LMO7: variants seen among roughly 807,000 people sequenced by gnomAD.
The protein encoded by LMO7 is LIM domain only protein 7.
Under a neutral mutation model 206.5 loss-of-function variants are expected in LMO7, and 120 were observed. The ratio of observed to expected loss-of-function variants is 0.58; its 90% CI spans 0.50 to 0.68. The LOEUF (loss-of-function observed/expected upper bound fraction) is 0.68, where lower values mean the gene tolerates loss of function less well. Among genes scored for constraint, LMO7 ranks in the 30% least tolerant of loss-of-function variants. The pLI, the probability that LMO7 is intolerant of heterozygous loss-of-function variation, is 0.00. For synonymous variants in LMO7, 706 were observed against 681.5 expected (o/e 1.04, Z -0.56); for missense variants, 1,959 against 1,957.9 (o/e 1.00, Z -0.01).
At chr13:75,815,006 G>T (rs1361766278) in intron 11 of LMO7, among the ~76,000 whole-genome samples, 1 of 152,116 alleles carries the variant, frequency 6.6e-6, no homozygotes, top group Non-Finnish European at 1.5e-5. Flanking sequence ...GATTTTGGAA[G>T]AACCTGTCTT....
rs746105002 is a variant in LMO7 at position 75,855,387 on chromosome 13, G to C, written c.4770+19G>C. ...TTTTAAGGTGAGACTGAGACAAACA[G>C]CTTGCAGGCCTGCAAAGCTTTGCTT... is the stretch of plus-strand genomic sequence containing the variant. On this transcript the variant is annotated intron_variant, in intron 29 of 30. Coordinates refer to ENST00000377534, the MANE Select transcript of LMO7 (RefSeq NM_001306080.2). 3 of 1,529,534 alleles carry C rather than the reference G, an allele frequency of 2.0e-6. No individual in the cohort carries two copies. In the Admixed American group the frequency reaches 5.1e-5, roughly 26 times the overall value. 94.7% of individuals were successfully genotyped at this position (1,529,534 alleles called of 1,614,324 possible). A position where few individuals can be genotyped will look rare whatever the true frequency, so the allele number is the denominator to read the frequency against.
intron 4 of LMO7, among the ~76,000 whole-genome samples, chr13:75,764,646 A>G (rs2048622608): frequency 6.6e-6 from 1 of 152,154 alleles, no homozygotes; most frequent in East Asian, 1.9e-4. Flanking sequence ...CTCAGAAACT[A>G]AGTCTTGTAT....
intron 1 of LMO7, among the ~76,000 whole-genome samples, chr13:75,646,117 A>G (rs567186452): frequency 5.6e-4 from 85 of 152,114 alleles, no homozygotes; most frequent in Middle Eastern, 3.4e-3. Context: ...CAATGTTTCT[A>G]TCTTAGCAAA....
intron 1 of LMO7, among the ~76,000 whole-genome samples, chr13:75,646,592 T>A (rs1389536362): frequency 5.0e-5 from 7 of 139,374 alleles, no homozygotes; most frequent in Admixed American, 1.4e-4. Flanking sequence ...TTTTTTTTTT[T>A]TAATTTTTGA....
intron 1 of LMO7, among the ~76,000 whole-genome samples, chr13:75,704,643 G>C (rs192318234): frequency 6.6e-6 from 1 of 152,316 alleles, no homozygotes; most frequent in East Asian, 1.9e-4. Context: ...CGAGAGAAGT[G>C]CCTGCTGACT....
chr13:75,783,276 T>C (rs894003912), intron 4 of LMO7, among the ~76,000 whole-genome samples: 10 of 152,238 alleles, frequency 6.6e-5, no homozygotes, highest in African/African-American at 2.4e-4. Context: ...TTACACTTGC[T>C]AGAAATATTT....
intron 20 of LMO7, 111 bp downstream of exon 20, chr13:75,838,307 T>G: frequency 1.9e-6 from 3 of 1,552,060 alleles, no homozygotes; most frequent in Non-Finnish European, 2.6e-6. Flanking sequence ...TGTCTGTCAT[T>G]ATGACCAAGC....
chr13:75,621,944 C>A, intron 1 of LMO7: 3 of 1,054,802 alleles, frequency 2.8e-6, no homozygotes, highest in South Asian at 3.1e-5. Flanking sequence ...TTTGGCTTTT[C>A]TTTAGGAACA....
chr13:75,732,179 T>G (rs531648116), intron 3 of LMO7, among the ~76,000 whole-genome samples: 1 of 152,230 alleles, frequency 6.6e-6, no homozygotes, highest in Admixed American at 6.5e-5. Context: ...CCTGCCTTGC[T>G]AGATTGGGGA....
chr13:75,838,453 TA>T (rs35202291), intron 20 of LMO7: 44,908 of 205,490 alleles, frequency 0.22, 3,223 homozygotes, highest in Admixed American at 0.28. Context: ...TTTAACTTTG[TA>T]AAAAAAAAAA....
chr13:75,670,380 G>A (rs2039454498), intron 1 of LMO7, among the ~76,000 whole-genome samples: 1 of 152,146 alleles, frequency 6.6e-6, no homozygotes, highest in Non-Finnish European at 1.5e-5. Context: ...TCTGCGAAAT[G>A]TGTCATATAG....
intron 3 of LMO7, among the ~76,000 whole-genome samples, chr13:75,738,747 A>G (rs1594663723): frequency 6.6e-6 from 1 of 152,354 alleles, no homozygotes; most frequent in East Asian, 1.9e-4. Context: ...CTTGAAAAAC[A>G]GGTGAGATAT....
At chr13:75,706,994 G>C (rs2042706427) in intron 1 of LMO7, among the ~76,000 whole-genome samples, 1 of 151,836 alleles carries the variant, frequency 6.6e-6, no homozygotes, top group Admixed American at 6.6e-5. Flanking sequence ...AGATTGTGTG[G>C]ATTGCATAGA....
chr13:75,720,368 G>A (rs532690862), intron 2 of LMO7, among the ~76,000 whole-genome samples: 30 of 152,016 alleles, frequency 2.0e-4, no homozygotes, highest in African/African-American at 6.5e-4. Context: ...TTTCTTTTAC[G>A]AATTGTGCTT....
At chr13:75,633,728 C>A (rs141360857), upstream of LMO7, among the ~76,000 whole-genome samples, 2 of 151,304 alleles carry the variant, frequency 1.3e-5, no homozygotes, top group African/African-American at 4.9e-5. Flanking sequence ...CTGTAAAAGA[C>A]ATTTTTGGGT....
chr13:75,743,210 C>A (rs967746004), intron 3 of LMO7, among the ~76,000 whole-genome samples: 4 of 152,022 alleles, frequency 2.6e-5, no homozygotes, highest in African/African-American at 9.7e-5. Flanking sequence ...ACTAAAAAGT[C>A]AAAAAATAAC....
At chr13:75,820,938 AG>A (rs2057511916) in intron 13 of LMO7, among the ~76,000 whole-genome samples, 1 of 151,662 alleles carries the variant, frequency 6.6e-6, no homozygotes, top group Non-Finnish European at 1.5e-5. Context: ...CGGAGGTTGC[AG>A]GTGAGCTGAG....
At chr13:75,807,252 T>C in intron 9 of LMO7, 1 of 508,244 alleles carries the variant, frequency 2.0e-6, no homozygotes, top group South Asian at 2.7e-5. Context: ...TCCTGAGAAG[T>C]ATGCTCTGCT....
chr13:75,647,517 G>T (rs1368313418), intron 1 of LMO7, among the ~76,000 whole-genome samples: 2 of 152,132 alleles, frequency 1.3e-5, no homozygotes, highest in Non-Finnish European at 2.9e-5. Context: ...ATTTGAAGAT[G>T]AGCCTTTTCA....
Sources: allele counts gnomAD v4.1 joint callset (sites outside exome capture counted in the v4.1 genomes callset), GRCh38; gene constraint gnomAD v4.1.1; transcripts MANE v1.5; gene names NCBI Gene and HGNC (gene_info 2026-07-23, HGNC 2026-07-21).